TNPO3: variants seen among roughly 807,000 people sequenced by gnomAD.
TNPO3 encodes the protein transportin-3.
In TNPO3, 65 loss-of-function variants were observed where a neutral mutation model predicts 122.8. The observed-to-expected ratio is 0.53, with a 90% CI of 0.43 to 0.65. The LOEUF is 0.65. TNPO3 is among the 30% of genes least tolerant of loss of function. TNPO3 has a pLI of 0.00. For synonymous variants in TNPO3, 372 were observed against 411.2 expected (o/e 0.90, Z 1.15); for missense variants, 850 against 1,136.7 (o/e 0.75, Z 3.63).
At chr7:128,986,975 A>C (rs1331705899) in intron 11 of TNPO3, 55 bp from the exon 12 acceptor site, 1 of 1,519,540 alleles carries the variant, frequency 6.6e-7, no homozygotes. Context: ...GAAAACTTCT[A>C]GTTTATTAAA....
chr7:128,999,846 C>G (rs1801737784), intron 7 of TNPO3, among the ~76,000 whole-genome samples: 1 of 152,070 alleles, frequency 6.6e-6, no homozygotes, highest in Non-Finnish European at 1.5e-5. Context: ...CTCCTGACCT[C>G]AGGTGATCTG....
chr7:129,029,108 G>T, intron 1 of TNPO3: 1 of 244,626 alleles, frequency 4.1e-6, no homozygotes, highest in Non-Finnish European at 8.1e-6. Flanking sequence ...CAATTATAAT[G>T]ACAGCAGAGC....
chr7:129,005,179 T>TA lies in TNPO3; in HGVS notation c.553-21dup. ...GGTCATCTGAATAGAGAAAAAAACTTAAAATGAATAATGTTAATCTATATA... is the reference window on the plus strand; with the variant it reads ...GGTCATCTGAATAGAGAAAAAAACTTAAAAATGAATAATGTTAATCTATATA... On this transcript the variant is annotated intron_variant, in intron 4 of 22. Coordinates refer to ENST00000265388, the MANE Select transcript of TNPO3 (RefSeq NM_012470.4). 6.3e-7 allele frequency: 1 copy of TA among 1,595,768 alleles called. No homozygotes were observed. Among genetic ancestry groups the TA allele is most frequent in the Non-Finnish European group, 8.6e-7 (1 of 1,167,446 alleles).
intron 9 of TNPO3, 93 bp from the exon 10 acceptor site, chr7:128,992,183 T>C: frequency 1.5e-6 from 1 of 647,420 alleles, no homozygotes; most frequent in Non-Finnish European, 2.6e-6. Flanking sequence ...TAAATCCTGC[T>C]TCTTGTTTCT....
Position 128,973,819 on chromosome 7 carries a change from A to G in TNPO3, c.2273+1049T>C, listed in dbSNP as rs201404698. Among the ~76,000 whole-genome samples, 56 of 111,844 alleles carry G rather than the reference A, an allele frequency of 5.0e-4. 1 individual carries two copies. Among genetic ancestry groups the G allele is most frequent in the East Asian group, 9.5e-4 (4 of 4,190 alleles). The allele number at this position is 111,844 out of a possible 152,430, so 73.4% of individuals were successfully genotyped here. On this transcript the variant is annotated intron_variant, in intron 18 of 22. Transcript: ENST00000265388. Reference sequence around the variant, plus strand: ...TCTATCAACTGAAAAAAAAAAAAAAAGAAAAGGAAAAAAAAAGGGTTTTTC... The same window carrying G: ...TCTATCAACTGAAAAAAAAAAAAAAGGAAAAGGAAAAAAAAAGGGTTTTTC...
chr7:129,029,922 G>A (rs1009758414), intron 1 of TNPO3: 2 of 152,422 alleles, frequency 1.3e-5, no homozygotes, highest in Non-Finnish European at 2.9e-5. Context: ...AGCTACTCGG[G>A]AGGCTGAGGC....
chr7:129,017,523 C>G (rs1034638352), intron 2 of TNPO3, among the ~76,000 whole-genome samples: 1 of 152,184 alleles, frequency 6.6e-6, no homozygotes, highest in Non-Finnish European at 1.5e-5. Context: ...AAGGGCACTT[C>G]TATGCCAGGC....
At chr7:128,999,916 T>C (rs1047837041) in intron 7 of TNPO3, among the ~76,000 whole-genome samples, 1 of 152,164 alleles carries the variant, frequency 6.6e-6, no homozygotes, top group Non-Finnish European at 1.5e-5. Context: ...CCCGACCCTT[T>C]CTCATTTCTT....
chr7:129,002,754 TA>T (rs1802086653), intron 5 of TNPO3, among the ~76,000 whole-genome samples: 1 of 151,884 alleles, frequency 6.6e-6, no homozygotes, highest in Non-Finnish European at 1.5e-5. Flanking sequence ...CTGTCTCTAC[TA>T]AAAATACAAA....
At position 129,054,621 on chromosome 7, in the gene TNPO3, G is replaced by C. The variant is rs781099120; in HGVS notation, c.120+30C>G. ...AGGTTCCACCCCGCCCCGGCCGTGC[G>C]GCACAGAACTGCCTCTCTGGGCCCC... On this transcript the variant is annotated intron_variant, in intron 1 of 22. Coordinates refer to ENST00000265388, the MANE Select transcript of TNPO3 (RefSeq NM_012470.4). The C allele has an allele frequency of 2.4e-5, 39 of 1,610,766 alleles. 1 individual carries two copies. In the East Asian group the frequency reaches 2.7e-4, roughly 11 times the overall value.
chr7:129,009,825 C>T (rs1802986476), intron 4 of TNPO3, among the ~76,000 whole-genome samples: 1 of 152,210 alleles, frequency 6.6e-6, no homozygotes, highest in African/African-American at 2.4e-5. Context: ...ACTGCTGAAA[C>T]TCGTATACCA....
chr7:129,008,849 A>G (rs987461965), intron 4 of TNPO3, among the ~76,000 whole-genome samples: 5 of 152,202 alleles, frequency 3.3e-5, no homozygotes, highest in African/African-American at 4.8e-5. Context: ...TTCAATTTTA[A>G]TAAGACATGA....
chr7:128,959,871 A>C (rs1320830033), intron 21 of TNPO3, among the ~76,000 whole-genome samples: 2 of 152,080 alleles, frequency 1.3e-5, no homozygotes, highest in African/African-American at 4.8e-5. Flanking sequence ...AAAGACAAAA[A>C]TTAGCCGTGT....
chr7:129,024,768 A>G (rs1395332413), intron 1 of TNPO3, among the ~76,000 whole-genome samples: 5 of 152,200 alleles, frequency 3.3e-5, no homozygotes, highest in African/African-American at 1.2e-4. Context: ...TCACACCTGT[A>G]GCCCCAGCAC....
chr7:129,046,688 G>C (rs992575890), intron 1 of TNPO3, among the ~76,000 whole-genome samples: 4 of 152,172 alleles, frequency 2.6e-5, no homozygotes, highest in African/African-American at 9.7e-5. Flanking sequence ...CCAAGCCTGG[G>C]TAATTTATAA....
chr7:129,030,282 A>G, intron 1 of TNPO3: 1 of 253,170 alleles, frequency 3.9e-6, no homozygotes, highest in Non-Finnish European at 7.9e-6. Flanking sequence ...AAATATATGT[A>G]GGTAATTGGA....
chr7:128,974,016 A>G (rs1798793248), intron 18 of TNPO3, among the ~76,000 whole-genome samples: 1 of 151,410 alleles, frequency 6.6e-6, no homozygotes, highest in African/African-American at 2.4e-5. Flanking sequence ...TCTACTAAAA[A>G]TACAAAAATT....
chr7:129,013,154 A>C (rs1803411227), intron 4 of TNPO3, among the ~76,000 whole-genome samples: 1 of 152,216 alleles, frequency 6.6e-6, no homozygotes, highest in Non-Finnish European at 1.5e-5. Flanking sequence ...AATGGATTAA[A>C]GACTTAAATG....
intron 1 of TNPO3, chr7:129,041,610 G>A: frequency 1.0e-6 from 1 of 985,436 alleles, no homozygotes; most frequent in Non-Finnish European, 1.2e-6. Context: ...TGAAATCCAG[G>A]CTTGGACTAA....
Sources: allele counts gnomAD v4.1 joint callset (sites outside exome capture counted in the v4.1 genomes callset), GRCh38; gene constraint gnomAD v4.1.1; transcripts MANE v1.5; gene names NCBI Gene and HGNC (gene_info 2026-07-23, HGNC 2026-07-21).